Variants in SPATA9 observed in about 807,000 individuals in gnomAD.
SPATA9 encodes spermatogenesis-associated protein 9.
SPATA9 carries 27 observed loss-of-function variants against 25.5 expected under a neutral mutation model. The observed-to-expected ratio is 1.06, with a 90% CI of 0.78 to 1.46. The LOEUF (loss-of-function observed/expected upper bound fraction) is 1.46, where lower values mean the gene tolerates loss of function less well. SPATA9 is among the 40% of genes most tolerant of loss of function. The pLI is 0.00. For synonymous variants in SPATA9, 102 were observed against 105.7 expected (o/e 0.97, Z 0.21); for missense variants, 282 against 297.5 (o/e 0.95, Z 0.38).
chr5:95,731,118 A>T, the SPATA9 span: 3 of 1,060,504 alleles, frequency 2.8e-6, no homozygotes, highest in Non-Finnish European at 3.4e-6. Flanking sequence ...GGGGCGTTGT[A>T]TTTATTAATT....
downstream of SPATA9, among the ~76,000 whole-genome samples, chr5:95,654,860 T>C (rs1750636863): frequency 7.2e-6 from 1 of 138,802 alleles, no homozygotes. Flanking sequence ...CTGTATACAC[T>C]GTGCATAATT....
chr5:95,726,925 C>T, the SPATA9 span, among the ~76,000 whole-genome samples: 1 of 152,128 alleles, frequency 6.6e-6, no homozygotes, highest in Admixed American at 6.5e-5. Flanking sequence ...AGCATCAATC[C>T]CAACATTAAC....
intron 4 of SPATA9, among the ~76,000 whole-genome samples, chr5:95,663,560 T>C (rs1400723787): frequency 1.3e-5 from 2 of 152,146 alleles, no homozygotes; most frequent in Non-Finnish European, 2.9e-5. Context: ...ATTTTTCTCA[T>C]GCACAGCACT....
At chr5:95,661,530 C>A (rs1231245436) in intron 4 of SPATA9, among the ~76,000 whole-genome samples, 2 of 152,072 alleles carry the variant, frequency 1.3e-5, no homozygotes, top group Non-Finnish European at 2.9e-5. Flanking sequence ...AAATTGAAAT[C>A]TAATTTTTGT....
At position 95,658,760 on chromosome 5, in the gene SPATA9, C is replaced by T; in HGVS notation, c.628G>A (p.Ala210Thr). Residue 210 changes from alanine (A) to threonine (T), a missense_variant, in exon 5 of 5, where the codon GCA becomes ACA. Transcript: ENST00000274432. ...TCCGGCAATGACCTATAAGGTTTTG[C>T]TTTGATTTCACCTTCAGCAAACATA... ...EPMFAEGEIK[A>T]KPYRSLPEKP... is the part of the protein sequence containing the mutation. The T allele has an allele frequency of 6.2e-7, 1 of 1,613,810 alleles. No individual in the cohort carries two copies. Among genetic ancestry groups the T allele is most frequent in the Non-Finnish European group, 8.5e-7 (1 of 1,179,872 alleles).
At chr5:95,708,029 C>T in the SPATA9 span, among the ~76,000 whole-genome samples, 1 of 151,894 alleles carries the variant, frequency 6.6e-6, no homozygotes, top group East Asian at 1.9e-4. Context: ...TATACAAGGC[C>T]CAAAAATTAA....
chr5:95,691,874 T>C (rs182272054), intron 1 of SPATA9, among the ~76,000 whole-genome samples: 19 of 152,284 alleles, frequency 1.2e-4, no homozygotes, highest in Middle Eastern at 6.8e-3. Context: ...TCTATGCCAA[T>C]TTTGGTTTTG....
At chr5:95,677,308 G>A (rs998426495) in intron 2 of SPATA9, among the ~76,000 whole-genome samples, 1 of 152,120 alleles carries the variant, frequency 6.6e-6, no homozygotes, top group Non-Finnish European at 1.5e-5. Context: ...TGTCTGGCAT[G>A]TAATACGCAC....
intron 4 of SPATA9, 31 bp downstream of exon 4, chr5:95,663,922 T>G: frequency 7.9e-7 from 1 of 1,259,770 alleles, no homozygotes; most frequent in Non-Finnish European, 1.1e-6. Context: ...AGTAGATTTA[T>G]TTCTAGATTC....
chr5:95,671,125 T>C (rs1752332140), intron 3 of SPATA9, among the ~76,000 whole-genome samples: 1 of 152,212 alleles, frequency 6.6e-6, no homozygotes, highest in South Asian at 2.1e-4. Context: ...TCATATATAC[T>C]GTTCTTTTCT....
At chr5:95,682,320 A>G (rs1048985563) in intron 2 of SPATA9, among the ~76,000 whole-genome samples, 1 of 152,152 alleles carries the variant, frequency 6.6e-6, no homozygotes, top group Non-Finnish European at 1.5e-5. Context: ...TTAATTCTCA[A>G]TCTACCTCAC....
At chr5:95,660,192 T>C (rs896303204) in intron 4 of SPATA9, among the ~76,000 whole-genome samples, 1 of 152,154 alleles carries the variant, frequency 6.6e-6, no homozygotes, top group Admixed American at 6.5e-5. Context: ...GCTGGTTTTC[T>C]GTTTCATAGA....
At chr5:95,717,117 A>C in the SPATA9 span, 4 of 152,198 alleles carry the variant, frequency 2.6e-5, no homozygotes, top group African/African-American at 9.7e-5. Flanking sequence ...TTAACATTTA[A>C]ATTGCTGGAC....
the SPATA9 span, among the ~76,000 whole-genome samples, chr5:95,728,217 G>C: frequency 2.0e-5 from 3 of 152,158 alleles, no homozygotes; most frequent in Non-Finnish European, 4.4e-5. Flanking sequence ...GTATCACCAG[G>C]TATGACTCCA....
intron 1 of SPATA9, among the ~76,000 whole-genome samples, chr5:95,688,441 G>A (rs574751334): frequency 1.3e-5 from 2 of 152,190 alleles, no homozygotes; most frequent in African/African-American, 4.8e-5. Flanking sequence ...TTATAGAGAT[G>A]GGGTCTGGCT....
At chr5:95,717,433 G>C in the SPATA9 span, 1 of 151,966 alleles carries the variant, frequency 6.6e-6, no homozygotes, top group African/African-American at 2.4e-5. Context: ...ACACACACAC[G>C]TATCTATTTA....
intron 2 of SPATA9, among the ~76,000 whole-genome samples, chr5:95,676,139 G>A (rs1313546864): frequency 6.6e-6 from 1 of 151,888 alleles, no homozygotes; most frequent in African/African-American, 2.4e-5. Context: ...CTTTATATAT[G>A]TATATTTTTT....
the SPATA9 span, among the ~76,000 whole-genome samples, chr5:95,718,061 C>T: frequency 1.3e-5 from 2 of 152,276 alleles, no homozygotes; most frequent in South Asian, 4.1e-4. Context: ...CATTTAAAAC[C>T]AGTTAGCTTT....
intron 4 of SPATA9, among the ~76,000 whole-genome samples, chr5:95,660,946 T>C (rs73149620): frequency 0.014 from 1,995 of 144,134 alleles, 45 homozygotes; most frequent in African/African-American, 0.048. Flanking sequence ...TGCTTCTCTA[T>C]TGACTGCTAC....
Sources: gnomAD v4.1 joint callset for allele counts (sites outside exome capture counted in the v4.1 genomes callset) on GRCh38, gnomAD v4.1.1 for gene constraint, MANE v1.5 for transcripts, NCBI Gene and HGNC (gene_info 2026-07-23, HGNC 2026-07-21) for gene names.